NDC1: variants seen among roughly 807,000 people sequenced by gnomAD.
NDC1 encodes the protein nucleoporin NDC1.
Under a neutral mutation model 89.8 loss-of-function variants are expected in NDC1, and 24 were observed. The ratio of observed to expected loss-of-function variants is 0.27; its 90% confidence interval spans 0.19 to 0.38. NDC1 has a LOEUF of 0.38. NDC1 is among the 10% of genes least tolerant of loss of function. The pLI is 1.00. For synonymous variants in NDC1, 296 were observed against 284.8 expected (o/e 1.04, Z -0.39); for missense variants, 728 against 797.6 (o/e 0.91, Z 1.05).
intron 10 of NDC1, 79 bp downstream of exon 10, chr1:53,803,849 G>T: frequency 9.1e-7 from 1 of 1,104,266 alleles, no homozygotes; most frequent in Non-Finnish European, 1.4e-6. Flanking sequence ...GGGATTACAG[G>T]CTTGAGCCAC....
chr1:53,786,899 T>G (rs1647323653), intron 16 of NDC1, among the ~76,000 whole-genome samples: 1 of 152,102 alleles, frequency 6.6e-6, no homozygotes, highest in Non-Finnish European at 1.5e-5. Context: ...TCTTGCCATG[T>G]TGCTTAGGCT....
At chr1:53,802,041 A>G (rs553392471) in intron 10 of NDC1, among the ~76,000 whole-genome samples, 2 of 152,252 alleles carry the variant, frequency 1.3e-5, no homozygotes, top group African/African-American at 4.8e-5. Context: ...CGTCCATCCA[A>G]TTAAATTTTT....
intron 16 of NDC1, among the ~76,000 whole-genome samples, chr1:53,781,618 A>C (rs1647207913): frequency 6.6e-6 from 1 of 152,212 alleles, no homozygotes; most frequent in Admixed American, 6.5e-5. Flanking sequence ...AGTAAAACAA[A>C]AGGATAGAAC....
At chr1:53,793,563 G>T (rs577158813) in intron 13 of NDC1, among the ~76,000 whole-genome samples, 23 of 152,114 alleles carry the variant, frequency 1.5e-4, no homozygotes, top group Non-Finnish European at 2.8e-4. Flanking sequence ...AATTCTAAGT[G>T]GTTTTGGTGA....
chr1:53,796,843 C>T, intron 12 of NDC1, 39 bp from the exon 13 acceptor site: 1 of 1,603,060 alleles, frequency 6.2e-7, no homozygotes, highest in Non-Finnish European at 8.5e-7. Context: ...AGAACTTAGG[C>T]TGTCTGATCC....
chr1:53,800,607 G>T, intron 11 of NDC1, 86 bp downstream of exon 11: 3 of 1,474,526 alleles, frequency 2.0e-6, no homozygotes, highest in Non-Finnish European at 2.8e-6. Flanking sequence ...TAACAGGCGT[G>T]AGCCACAGCG....
intron 9 of NDC1, 69 bp from the exon 10 acceptor site, chr1:53,804,078 T>A: frequency 9.4e-7 from 1 of 1,068,096 alleles, no homozygotes; most frequent in Non-Finnish European, 1.4e-6. Context: ...ACTAATTGGG[T>A]TCATCATTAT....
intron 13 of NDC1, 27 bp downstream of exon 13, chr1:53,796,662 A>G: frequency 7.0e-7 from 1 of 1,422,196 alleles, no homozygotes; most frequent in Non-Finnish European, 9.6e-7. Context: ...ACATGCAAAT[A>G]TAAATCCTAT....
At chr1:53,772,514 A>T (rs1647123905) in intron 16 of NDC1, 25 bp from the exon 17 acceptor site, 1 of 1,605,696 alleles carries the variant, frequency 6.2e-7, no homozygotes, top group Admixed American at 1.7e-5. Context: ...AAAACACATC[A>T]GTTTAGATTA....
chr1:53,787,695 A>AAATAAATG (rs1178738380), intron 15 of NDC1, among the ~76,000 whole-genome samples: 1 of 150,930 alleles, frequency 6.6e-6, no homozygotes, highest in African/African-American at 2.4e-5. Context: ...ATAAATAAAT[A>AAATAAATG]AAGGGAGGAG....
At chr1:53,796,834 G>C in intron 12 of NDC1, 30 bp from the exon 13 acceptor site, 1 of 1,603,820 alleles carries the variant, frequency 6.2e-7, no homozygotes, top group Non-Finnish European at 8.5e-7. Flanking sequence ...GGCAAGATAA[G>C]AACTTAGGCT....
intron 16 of NDC1, among the ~76,000 whole-genome samples, chr1:53,773,319 G>A (rs1570152836): frequency 6.6e-6 from 1 of 152,018 alleles, no homozygotes; most frequent in Non-Finnish European, 1.5e-5. Context: ...AATTATTTTT[G>A]CCATCAAGTT....
intron 11 of NDC1, among the ~76,000 whole-genome samples, chr1:53,798,134 TCTTTTTA>T (rs1300134828): frequency 1.5e-5 from 2 of 131,390 alleles, no homozygotes; most frequent in East Asian, 4.1e-4. Flanking sequence ...GATTCCATCT[TCTTTTTA>T]TTATTATTAT....
chr1:53,828,417 A>T (rs574536493), intron 3 of NDC1, among the ~76,000 whole-genome samples: 6 of 152,264 alleles, frequency 3.9e-5, no homozygotes, highest in African/African-American at 1.4e-4. Flanking sequence ...GGACAGCATG[A>T]TCAACATTTT....
At chr1:53,820,808 T>C (rs1648646613) in intron 5 of NDC1, among the ~76,000 whole-genome samples, 1 of 150,084 alleles carries the variant, frequency 6.7e-6, no homozygotes, top group Non-Finnish European at 1.5e-5. Flanking sequence ...CCTCCCAGGT[T>C]CAAGCAATTC....
At chr1:53,806,581 C>A in intron 8 of NDC1, 64 bp from the exon 9 acceptor site, 2 of 991,192 alleles carry the variant, frequency 2.0e-6, no homozygotes, top group Non-Finnish European at 1.4e-6. Context: ...TAAGCATGCA[C>A]AAATTAAAAC....
chr1:53,777,794 A>C (rs1289058349), intron 16 of NDC1, among the ~76,000 whole-genome samples: 1 of 152,070 alleles, frequency 6.6e-6, no homozygotes, highest in Non-Finnish European at 1.5e-5. Flanking sequence ...CAGCTCACTG[A>C]GCTTTGACCT....
At chr1:53,787,376 C>T (rs560074775) in intron 15 of NDC1, 118 bp from the exon 16 acceptor site, 3 of 609,116 alleles carry the variant, frequency 4.9e-6, no homozygotes, top group East Asian at 2.9e-5. Flanking sequence ...AGGCTGGGCA[C>T]GGTGGCTCAC....
At chr1:53,809,884 G>C in intron 6 of NDC1, 138 bp from the exon 7 acceptor site, 1 of 657,676 alleles carries the variant, frequency 1.5e-6, no homozygotes, top group Non-Finnish European at 2.8e-6. Context: ...TTAGGAATGA[G>C]TAGGAAAAGA....
Sources: gnomAD v4.1 joint callset for allele counts (sites outside exome capture counted in the v4.1 genomes callset) on GRCh38, gnomAD v4.1.1 for gene constraint, MANE v1.5 for transcripts, NCBI Gene and HGNC (gene_info 2026-07-23, HGNC 2026-07-21) for gene names.